Variants in MAP3K4 observed in about 807,000 individuals in gnomAD.
MAP3K4 encodes the protein MAP three kinase 1.
MAP3K4 carries 67 observed loss-of-function variants against 185.6 expected under a neutral mutation model. That is an observed-to-expected ratio of 0.36 (90% CI 0.30 to 0.44). The LOEUF (loss-of-function observed/expected upper bound fraction) is 0.44, where lower values mean the gene tolerates loss of function less well. Ranked by LOEUF, MAP3K4 falls within the 20% of genes least tolerant of loss-of-function variation. The probability of loss-of-function intolerance (pLI) is 1.00; values close to 1 mark genes in which losing one functional copy is unlikely to be tolerated. For synonymous variants in MAP3K4, 702 were observed against 710.4 expected (o/e 0.99, Z 0.19); for missense variants, 1,551 against 1,995.1 (o/e 0.78, Z 4.24).
In MAP3K4 at chr6:161,070,629, A is replaced by T. The variant is rs768910934; in HGVS notation, c.1729A>T (p.Met577Leu). Residue 577 changes from methionine to leucine, a missense_variant, in exon 4 of 27, where the codon ATG becomes TTG. Met to Leu is a conservative substitution (Grantham distance 15). Transcript: ENST00000392142. This position sits in a 1 kb window ranked among gnomAD's most constrained non-coding sequence, Gnocchi z 4.5. ...ATAGTTTTCTGAATTTCCAGATCCC[A>T]TGTGGGGTTCAGATTATGTGCAGTT... The part of the protein sequence containing the change: ...PVEFSEFPDP[M>L]WGSDYVQLSR... 21 of 1,613,830 alleles carry T rather than the reference A, an allele frequency of 1.3e-5. 1 individual carries two copies. In the Middle Eastern group the frequency reaches 6.8e-4, roughly 52 times the overall value.
At position 161,106,127 on chromosome 6, in the gene MAP3K4, C is replaced by T. The variant is rs1007607145; in HGVS notation, c.3857-387C>T. Among the ~76,000 whole-genome samples the T allele has an allele frequency of 2.0e-5, 3 of 152,208 alleles. No homozygotes were observed. The highest frequency in any genetic ancestry group is 2.9e-5 in the Non-Finnish European group (2 of 67,996). On this transcript the variant is annotated intron_variant, in intron 19 of 26. Coordinates refer to ENST00000392142, the MANE Select transcript of MAP3K4 (RefSeq NM_005922.4). This position sits in a 1 kb window ranked among gnomAD's most constrained non-coding sequence, Gnocchi z 4.9. ...CTGGGATTACAAGAATGAGTCACTG[C>T]TCCAGGCCTCGTGAATTAAATTTAT...
chr6:161,015,195 C>T (rs1782032602), intron 1 of MAP3K4, among the ~76,000 whole-genome samples: 2 of 151,986 alleles, frequency 1.3e-5, no homozygotes, highest in Non-Finnish European at 2.9e-5. Flanking sequence ...AGGCCATTAT[C>T]CTCAGCAAAC....
chr6:161,073,390 T>G lies in MAP3K4; in HGVS notation c.1951-76T>G. The G allele has an allele frequency of 7.1e-7, 1 of 1,400,258 alleles. No individual in the cohort carries two copies. 86.7% of individuals were successfully genotyped at this position (1,400,258 alleles called of 1,614,324 possible). ...GTTCCCTCTGAGTTTTTTGAAGATT[T>G]AAGTAGGAAGATATAAAACACGGAT... On this transcript the variant is annotated intron_variant, in intron 4 of 26. Coordinates refer to ENST00000392142, the MANE Select transcript of MAP3K4 (RefSeq NM_005922.4). The surrounding 1 kb of genome is among the most constrained non-coding windows in gnomAD (Gnocchi z 4.2).
At position 161,048,181 on chromosome 6, in the gene MAP3K4, T is replaced by A. The variant is rs1447442093; in HGVS notation, c.344-435T>A. The A allele has an allele frequency of 6.0e-6, 3 of 501,046 alleles. No individual in the cohort carries two copies. The highest frequency in any genetic ancestry group is 1.2e-5 in the Non-Finnish European group (3 of 247,958). 31.0% of individuals were successfully genotyped at this position (501,046 alleles called of 1,614,324 possible). On this transcript the variant is annotated intron_variant, in intron 2 of 26. Transcript: ENST00000392142. The surrounding 1 kb of genome is among the most constrained non-coding windows in gnomAD (Gnocchi z 4.7). The stretch of plus-strand genomic sequence containing the variant: ...AAGTAATCCAGATAATTTACGTGAT[T>A]TCCTCTTAAGTTTACACATTTAGCT...
At position 161,082,761 on chromosome 6, in the gene MAP3K4, C is replaced by T. The variant is rs552366897; in HGVS notation, c.2255+1723C>T. 3.9e-5 allele frequency among the ~76,000 whole-genome samples: 6 copies of T among 152,324 alleles called. No individual in the cohort carries two copies. The highest frequency in any genetic ancestry group is 3.3e-4 in the Admixed American group (5 of 15,304). ...GCCTCTCAAGCACTCCACACTTCCACTCTTCCCAGGTTGTCATTTCTCACG... is the reference window on the plus strand; with the variant it reads ...GCCTCTCAAGCACTCCACACTTCCATTCTTCCCAGGTTGTCATTTCTCACG... On this transcript the variant is annotated intron_variant, in intron 6 of 26. Coordinates refer to ENST00000392142, the MANE Select transcript of MAP3K4 (RefSeq NM_005922.4). This position sits in a 1 kb window ranked among gnomAD's most constrained non-coding sequence, Gnocchi z 4.2.
chr6:161,023,114 TAC>T (rs1482163923), intron 1 of MAP3K4, among the ~76,000 whole-genome samples: 1 of 152,204 alleles, frequency 6.6e-6, no homozygotes, highest in Non-Finnish European at 1.5e-5. Context: ...GTTTAACTAG[TAC>T]AGAATTTTTC....
In MAP3K4 at chr6:161,049,764, G is replaced by A. The variant is rs369809586; in HGVS notation, c.1492G>A (p.Glu498Lys). The A allele has an allele frequency of 1.1e-5, 17 of 1,613,972 alleles. No individual in the cohort carries two copies. The highest frequency in any genetic ancestry group is 4.0e-5 in the African/African-American group (3 of 74,916). Residue 498 changes from glutamate to lysine, a missense_variant, in exon 3 of 27, where the codon GAA (glutamate) becomes AAA (lysine). This residue lies in a region of MAP3K4 where 126 missense variants were observed against 112.8 expected (regional missense o/e 1.12). Transcript: ENST00000392142. This position sits in a 1 kb window ranked among gnomAD's most constrained non-coding sequence, Gnocchi z 8.4. ...DCISKKLERL[E>K]SEDDSLGWGA... ...CATATCCAAGAAGCTTGAGAGGCTCGAATCTGAGGATGATTCTCTTGGCTG... is the reference window on the plus strand; with the variant it reads ...CATATCCAAGAAGCTTGAGAGGCTCAAATCTGAGGATGATTCTCTTGGCTG...
At position 161,073,402 on chromosome 6, in the gene MAP3K4, T is replaced by C. The variant is rs2114821332; in HGVS notation, c.1951-64T>C. The C allele has an allele frequency of 6.9e-7, 1 of 1,454,026 alleles. No homozygotes were observed. The highest frequency in any genetic ancestry group is 9.1e-7 in the Non-Finnish European group (1 of 1,094,604). 90.1% of individuals were successfully genotyped at this position (1,454,026 alleles called of 1,614,324 possible). ...TTTTTTGAAGATTTAAGTAGGAAGA[T>C]ATAAAACACGGATCGTCTGGTTGGA... is the stretch of plus-strand genomic sequence containing the variant. On this transcript the variant is annotated intron_variant, in intron 4 of 26. Coordinates refer to ENST00000392142, the MANE Select transcript of MAP3K4 (RefSeq NM_005922.4). This position sits in a 1 kb window ranked among gnomAD's most constrained non-coding sequence, Gnocchi z 4.2.
Position 161,101,982 on chromosome 6 carries a change from G to A in MAP3K4, c.3765G>A (p.Glu1255=), listed in dbSNP as rs774645894. Residue 1255 remains glutamate (E), a synonymous_variant, in exon 18 of 27, where the codon GAG becomes GAA. Transcript: ENST00000392142. The surrounding 1 kb of genome is among the most constrained non-coding windows in gnomAD (Gnocchi z 5.1). ...RSLSRHSSPT[E]ERDEPAYPRG... is the part of the protein sequence containing the mutation. Reference sequence around the variant, plus strand: ...TGAGTCGTCACTCAAGCCCCACGGAGGAGCGAGATGGTGAGTGTTTTAAGG... The same window carrying A: ...TGAGTCGTCACTCAAGCCCCACGGAAGAGCGAGATGGTGAGTGTTTTAAGG... 2 of 1,613,738 alleles carry A rather than the reference G, an allele frequency of 1.2e-6. No individual in the cohort carries two copies. Among genetic ancestry groups the A allele is most frequent in the South Asian group, 2.2e-5 (2 of 91,056 alleles).
intron 1 of MAP3K4, among the ~76,000 whole-genome samples, chr6:160,993,620 A>G (rs1368533908): frequency 6.6e-6 from 1 of 152,242 alleles, no homozygotes; most frequent in African/African-American, 2.4e-5. Flanking sequence ...CGGATCAGAA[A>G]TTAGAATTCT....
Position 161,042,707 on chromosome 6 carries a change from A to G in MAP3K4, c.344-5909A>G, listed in dbSNP as rs549666619. ...TTTTTAATATAGCAGAAGGAAGTAC[A>G]TTCAGTTTATCTCATAGTTTAAGTA... On this transcript the variant is annotated intron_variant, in intron 2 of 26. Transcript: ENST00000392142. Among the ~76,000 whole-genome samples, 109 of 152,232 alleles carry G rather than the reference A, an allele frequency of 7.2e-4. 1 individual carries two copies. Among genetic ancestry groups the G allele is most frequent in the African/African-American group, 2.5e-3 (105 of 41,550 alleles).
intron 1 of MAP3K4, among the ~76,000 whole-genome samples, chr6:161,015,719 G>A (rs1321858235): frequency 6.6e-6 from 1 of 152,040 alleles, no homozygotes; most frequent in East Asian, 1.9e-4. Flanking sequence ...TGCCAGGCTC[G>A]TTTTAACAAC....
At position 161,070,351 on chromosome 6, in the gene MAP3K4, T is replaced by C. The variant is rs1158023270; in HGVS notation, c.1708-257T>C. On this transcript the variant is annotated intron_variant, in intron 3 of 26. Transcript: ENST00000392142. The surrounding 1 kb of genome is among the most constrained non-coding windows in gnomAD (Gnocchi z 4.5). ...AAGATGAACCTGATTCTTTTTCTAA[T>C]ATACTTCTTTGATCAAAGTATTGCA... Among the ~76,000 whole-genome samples, 1 of 152,258 alleles carries C rather than the reference T, an allele frequency of 6.6e-6. No individual in the cohort carries two copies. Among genetic ancestry groups the C allele is most frequent in the African/African-American group, 2.4e-5 (1 of 41,468 alleles).
intron 17 of MAP3K4, among the ~76,000 whole-genome samples, chr6:161,099,270 G>GTA (rs1000438631): frequency 6.6e-6 from 1 of 152,216 alleles, no homozygotes; most frequent in Non-Finnish European, 1.5e-5. Flanking sequence ...GGAGAAAATA[G>GTA]TAGAGTTAAC....
chr6:161,108,057 C>A lies in MAP3K4; in HGVS notation c.4119+88C>A. 1 of 1,196,820 alleles carries A rather than the reference C, an allele frequency of 8.4e-7. No individual in the cohort carries two copies. The highest frequency in any genetic ancestry group is 2.5e-5 in the East Asian group (1 of 40,758). 74.1% of individuals were successfully genotyped at this position (1,196,820 alleles called of 1,614,324 possible). On this transcript the variant is annotated intron_variant, in intron 21 of 26. Transcript: ENST00000392142. This position sits in a 1 kb window ranked among gnomAD's most constrained non-coding sequence, Gnocchi z 5.7. ...TAGACGCTGGTCGTGATTCAGTTCT[C>A]TGTGCGTAGAGCTGTCTTCAGCACC...
At chr6:161,050,324 G>A (rs930722529) in intron 3 of MAP3K4, among the ~76,000 whole-genome samples, 7 of 152,194 alleles carry the variant, frequency 4.6e-5, no homozygotes, top group African/African-American at 9.7e-5. Context: ...AAAAGTCCAC[G>A]TCACACTCAG....
chr6:161,000,184 C>G (rs1195116843), intron 1 of MAP3K4, among the ~76,000 whole-genome samples: 1 of 152,156 alleles, frequency 6.6e-6, no homozygotes, highest in Non-Finnish European at 1.5e-5. Flanking sequence ...ATATGATACT[C>G]AAATAATTCT....
rs1186799561 is a variant in MAP3K4, at chr6:161,007,283, G to A, written c.152+15200G>A. Among the ~76,000 whole-genome samples the A allele has an allele frequency of 6.6e-6, 1 of 152,104 alleles. No individual in the cohort carries two copies. The highest frequency in any genetic ancestry group is 1.5e-5 in the Non-Finnish European group (1 of 68,024). On this transcript the variant is annotated intron_variant, in intron 1 of 26. Transcript: ENST00000392142. The surrounding 1 kb of genome is among the most constrained non-coding windows in gnomAD (Gnocchi z 4.5). ...GACAGTTAAGTAGACGATTTTATTC[G>A]GGATATTGCAGTGGGGAAAAACATT...
At position 161,116,323 on chromosome 6, in the gene MAP3K4, G is replaced by C. The variant is rs191889174; in HGVS notation, c.4807-527G>C. On this transcript the variant is annotated intron_variant, in intron 26 of 26. Transcript: ENST00000392142. The surrounding 1 kb of genome is among the most constrained non-coding windows in gnomAD (Gnocchi z 6.2). ...ATACCTGGGGCTGGCACTCAAGAGG[G>C]ATTTTGGGTAGGGCACAGGTGTGGG... Among the ~76,000 whole-genome samples, 106 of 152,194 alleles carry C rather than the reference G, an allele frequency of 7.0e-4. No homozygotes were observed. The highest frequency in any genetic ancestry group is 2.3e-3 in the African/African-American group (97 of 41,518).
Sources: gnomAD v4.1 joint callset for allele counts (sites outside exome capture counted in the v4.1 genomes callset) on GRCh38, gnomAD v4.1.1 for gene constraint, gnomAD v4.1.1 regional missense constraint, Gnocchi (gnomAD v3.1) non-coding constraint, MANE v1.5 for transcripts, NCBI Gene and HGNC (gene_info 2026-07-23, HGNC 2026-07-21) for gene names.